SPATA9: variants seen among roughly 807,000 people sequenced by gnomAD.
The protein encoded by SPATA9 is spermatogenesis associated 9.
In SPATA9, 27 loss-of-function variants were observed where a neutral mutation model predicts 25.5. The ratio of observed to expected loss-of-function variants is 1.06; its 90% CI spans 0.78 to 1.46. The LOEUF (loss-of-function observed/expected upper bound fraction) is 1.46. Ranked by LOEUF, SPATA9 falls within the 40% of genes most tolerant of loss-of-function variation. SPATA9 has a pLI of 0.00. For synonymous variants in SPATA9, 102 were observed against 105.7 expected, an observed-to-expected ratio of 0.97 and a Z score of 0.21; for missense variants, 282 against 297.5, an observed-to-expected ratio of 0.95 and a Z score of 0.38.
At chr5:95,732,015 G>T in the SPATA9 span, 1 of 1,614,100 alleles carries the variant, frequency 6.2e-7, no homozygotes, top group African/African-American at 1.3e-5. Context: ...TCGCGCGTCC[G>T]GTGTTCACCG....
At chr5:95,670,703 G>T (rs1172578861) in intron 3 of SPATA9, among the ~76,000 whole-genome samples, 1 of 152,158 alleles carries the variant, frequency 6.6e-6, no homozygotes, top group Non-Finnish European at 1.5e-5. Context: ...TGGGTAAGCT[G>T]AACTCTGTCT....
chr5:95,726,336 CTT>C, the SPATA9 span, among the ~76,000 whole-genome samples: 2 of 152,050 alleles, frequency 1.3e-5, no homozygotes, highest in Non-Finnish European at 2.9e-5. Flanking sequence ...TCAGAAGAGA[CTT>C]TGTAGCATTT....
At chr5:95,662,039 C>T (rs1262300398) in intron 4 of SPATA9, among the ~76,000 whole-genome samples, 5 of 152,024 alleles carry the variant, frequency 3.3e-5, no homozygotes, top group Non-Finnish European at 2.9e-5. Flanking sequence ...ATATAAAGCT[C>T]CTGTAATTAA....
chr5:95,690,789 T>C lies in SPATA9; in HGVS notation n.124+7799A>G, dbSNP rs149402216. Among the ~76,000 whole-genome samples the C allele has an allele frequency of 4.2e-3, 633 of 152,308 alleles. 1 individual carries two copies. The highest frequency in any genetic ancestry group is 6.5e-3 in the Non-Finnish European group (439 of 68,014). ...ATAGATGAACAGCCTAAATAAGAGC[T>C]TCTCAAACTATAGTGAAGCCAATAC... On this transcript the variant is annotated intron_variant and non_coding_transcript_variant, in intron 1 of 2. Transcript: ENST00000379990.
intron 3 of SPATA9, among the ~76,000 whole-genome samples, chr5:95,671,886 C>T (rs1752412502): frequency 6.7e-6 from 1 of 149,094 alleles, no homozygotes; most frequent in Non-Finnish European, 1.5e-5. Context: ...TTTTAGGGTA[C>T]ATGTACCCTA....
chr5:95,682,849 T>C lies in SPATA9; in HGVS notation c.6A>G (p.Pro2=), dbSNP rs1333928240. Residue 2 remains proline, a synonymous_variant, in exon 1 of 5, where the codon CCA becomes CCG. Coordinates refer to ENST00000274432, the MANE Select transcript of SPATA9 (RefSeq NM_031952.4). Reference sequence around the variant, plus strand: ...CACATATCCACCCAACAGGTTTGATTGGCATGGTGAGTTCTTGCTTGGGTT... The same window carrying C: ...CACATATCCACCCAACAGGTTTGATCGGCATGGTGAGTTCTTGCTTGGGTT... M[P]IKPVGWICGQ... 8 of 1,530,840 alleles carry C rather than the reference T, an allele frequency of 5.2e-6. No homozygotes were observed. The highest frequency in any genetic ancestry group is 2.8e-5 in the African/African-American group (2 of 71,938). The allele number at this position is 1,530,840 out of a possible 1,614,324, so 94.8% of individuals were successfully genotyped here. A position where few individuals can be genotyped will look rare whatever the true frequency, so the allele number is the denominator to read the frequency against.
chr5:95,681,237 G>A (rs537914340), intron 2 of SPATA9, among the ~76,000 whole-genome samples: 9 of 152,012 alleles, frequency 5.9e-5, no homozygotes, highest in East Asian at 1.9e-4. Flanking sequence ...CCTCCACCCC[G>A]TTTTCTACTA....
chr5:95,695,839 T>C (rs1315455073), intron 1 of SPATA9, among the ~76,000 whole-genome samples: 2 of 152,222 alleles, frequency 1.3e-5, no homozygotes, highest in African/African-American at 4.8e-5. Flanking sequence ...CCTGGACTTA[T>C]TAATTCCCTT....
chr5:95,718,851 G>A, the SPATA9 span, among the ~76,000 whole-genome samples: 1 of 152,172 alleles, frequency 6.6e-6, no homozygotes, highest in Non-Finnish European at 1.5e-5. Context: ...GAAAGCAGGA[G>A]GATCAAGAGT....
intron 1 of SPATA9, among the ~76,000 whole-genome samples, chr5:95,689,747 A>C (rs1376268687): frequency 6.6e-6 from 1 of 152,220 alleles, no homozygotes; most frequent in Non-Finnish European, 1.5e-5. Context: ...AAGCATATGA[A>C]AGTATGTTCA....
upstream of SPATA9, among the ~76,000 whole-genome samples, chr5:95,700,934 T>C (rs1014787925): frequency 6.6e-6 from 1 of 152,202 alleles, no homozygotes; most frequent in Non-Finnish European, 1.5e-5. Context: ...ATCACTTCAG[T>C]TACTTAGATG....
intron 3 of SPATA9, 125 bp from the exon 4 acceptor site, chr5:95,664,173 A>C (rs1041981999): frequency 4.9e-5 from 23 of 468,600 alleles, no homozygotes; most frequent in African/African-American, 4.4e-4. Context: ...CTTTAGAGCT[A>C]TCTGGGCTTT....
intron 3 of SPATA9, among the ~76,000 whole-genome samples, chr5:95,666,718 G>C (rs890502289): frequency 2.2e-5 from 3 of 135,876 alleles, no homozygotes; most frequent in African/African-American, 8.5e-5. Context: ...GTGAGAATTA[G>C]TGACTGTAAG....
intron 1 of SPATA9, among the ~76,000 whole-genome samples, chr5:95,694,889 C>T (rs1346325198): frequency 3.3e-5 from 5 of 152,092 alleles, no homozygotes; most frequent in Admixed American, 6.5e-5. Context: ...TTTAGTCCAG[C>T]GATGGCACCA....
chr5:95,728,471 T>C, the SPATA9 span, among the ~76,000 whole-genome samples: 3 of 152,248 alleles, frequency 2.0e-5, no homozygotes, highest in African/African-American at 4.8e-5. Context: ...ACTTTCTTTA[T>C]GAACTTCTGA....
At chr5:95,666,322 A>T (rs754648888) in intron 3 of SPATA9, among the ~76,000 whole-genome samples, 2 of 152,166 alleles carry the variant, frequency 1.3e-5, no homozygotes, top group Non-Finnish European at 1.5e-5. Context: ...CATTACAGGG[A>T]TGGACTCTGG....
At chr5:95,709,606 G>A in the SPATA9 span, among the ~76,000 whole-genome samples, 3 of 152,106 alleles carry the variant, frequency 2.0e-5, no homozygotes, top group African/African-American at 4.8e-5. Flanking sequence ...AGACCCTATG[G>A]CAGCAGGCAG....
chr5:95,685,259 C>T (rs1428706120), upstream of SPATA9, among the ~76,000 whole-genome samples: 1 of 152,186 alleles, frequency 6.6e-6, no homozygotes, highest in African/African-American at 2.4e-5. Flanking sequence ...CAATGCTGGG[C>T]TTGCCCGATT....
At chr5:95,694,132 C>T (rs1227843759) in intron 1 of SPATA9, among the ~76,000 whole-genome samples, 1 of 151,946 alleles carries the variant, frequency 6.6e-6, no homozygotes, top group African/African-American at 2.4e-5. Flanking sequence ...TACACTCCAG[C>T]CTGGGAAAGA....
Sources: allele counts gnomAD v4.1 joint callset (sites outside exome capture counted in the v4.1 genomes callset), GRCh38; gene constraint gnomAD v4.1.1; transcripts MANE v1.5; gene names NCBI Gene and HGNC (gene_info 2026-07-23, HGNC 2026-07-21).